HYAL4: variants seen among roughly 807,000 people sequenced by gnomAD.
HYAL4 encodes hyaluronidase-4.
Under a neutral mutation model 35.2 loss-of-function variants are expected in HYAL4, and 37 were observed. The ratio of observed to expected loss-of-function variants is 1.05; its 90% CI spans 0.81 to 1.38. HYAL4 has a LOEUF of 1.38. Among genes scored for constraint, HYAL4 ranks in the 40% most tolerant of loss-of-function variants. The pLI, the probability that HYAL4 is intolerant of heterozygous loss-of-function variation, is 0.00. For missense variants in HYAL4, 572 were observed against 572.4 expected, an observed-to-expected ratio of 1.00 and a Z score of 0.01; for synonymous variants, 198 against 203.2, an observed-to-expected ratio of 0.97 and a Z score of 0.22.
intron 2 of HYAL4, among the ~76,000 whole-genome samples, chr7:123,853,717 G>C (rs1408029823): frequency 6.6e-6 from 1 of 152,116 alleles, no homozygotes; most frequent in African/African-American, 2.4e-5. Flanking sequence ...GGCAGGTTTT[G>C]ATATCAGGAT....
chr7:123,794,911 G>A, the HYAL4 span, among the ~76,000 whole-genome samples: 3 of 152,216 alleles, frequency 2.0e-5, no homozygotes, highest in African/African-American at 7.2e-5. Flanking sequence ...CTGATAGCTT[G>A]CACTGTGTGC....
At chr7:123,876,725 C>A (rs1807034925) in intron 4 of HYAL4, 29 bp from the exon 5 acceptor site, 1 of 1,596,858 alleles carries the variant, frequency 6.3e-7, no homozygotes, top group Non-Finnish European at 8.6e-7. Flanking sequence ...GGAGAACACA[C>A]TAAAATTGAT....
chr7:123,799,384 T>C, the HYAL4 span, among the ~76,000 whole-genome samples: 3 of 151,436 alleles, frequency 2.0e-5, no homozygotes, highest in East Asian at 5.8e-4. Context: ...TTTTTGAAAA[T>C]ATAATACTAT....
chr7:123,809,196 C>G, the HYAL4 span, among the ~76,000 whole-genome samples: 1 of 152,072 alleles, frequency 6.6e-6, no homozygotes, highest in Non-Finnish European at 1.5e-5. Flanking sequence ...GATCATGCCA[C>G]TCCCTGACCC....
At chr7:123,830,102 T>C (rs1805858090) in intron 1 of HYAL4, among the ~76,000 whole-genome samples, 1 of 152,182 alleles carries the variant, frequency 6.6e-6, no homozygotes, top group East Asian at 1.9e-4. Context: ...CCCTAAATAT[T>C]ACAAGTGACC....
Position 123,868,447 on chromosome 7 carries a change from G to C in HYAL4, c.174G>C (p.Gln58His), listed in dbSNP as rs758121023. 1.0e-5 allele frequency: 16 copies of C among 1,607,676 alleles called. No individual in the cohort carries two copies. The highest frequency in any genetic ancestry group is 1.1e-5 in the South Asian group (1 of 89,140). ...FIAAWNAPTD[Q>H]CLIKYNLRLN... ...CTGCTTGGAATGCTCCAACAGATCA[G>C]TGTTTGATAAAATATAATTTAAGAC... Residue 58 changes from glutamine to histidine, a missense_variant, in exon 3 of 5, where the codon CAG becomes CAC. By Grantham distance (24) the Gln-to-His change is conservative. Transcript: ENST00000223026.
At chr7:123,779,867 A>T in the HYAL4 span, among the ~76,000 whole-genome samples, 2 of 152,120 alleles carry the variant, frequency 1.3e-5, no homozygotes, top group Non-Finnish European at 2.9e-5. Context: ...TTATCTATTT[A>T]TTTGGTCTTT....
Position 123,876,980 on chromosome 7 carries a change from C to T in HYAL4, c.1271C>T (p.Thr424Ile). ...ACTGTGAAAGGAAAAGCATCTGATA[C>T]AGACCTGGCAGTGATGGCAGATACA... ...EFTVKGKASD[T>I]DLAVMADTFS... Residue 424 changes from threonine (T) to isoleucine (I), a missense_variant, in exon 5 of 5, where the codon ACA becomes ATA. Transcript: ENST00000223026. The T allele has an allele frequency of 6.2e-7, 1 of 1,614,190 alleles. No homozygotes were observed. Among genetic ancestry groups the T allele is most frequent in the Non-Finnish European group, 8.5e-7 (1 of 1,180,024 alleles).
At chr7:123,851,023 TAAA>T (rs961982244) in intron 2 of HYAL4, among the ~76,000 whole-genome samples, 1 of 152,182 alleles carries the variant, frequency 6.6e-6, no homozygotes, top group African/African-American at 2.4e-5. Flanking sequence ...TTTAAAGAAT[TAAA>T]AAATATTTGT....
At chr7:123,787,521 G>A in the HYAL4 span, among the ~76,000 whole-genome samples, 1 of 152,054 alleles carries the variant, frequency 6.6e-6, no homozygotes, top group African/African-American at 2.4e-5. Context: ...GCAGTATTGA[G>A]TCACCAGCCA....
chr7:123,871,284 C>T (rs1045027280), intron 3 of HYAL4, among the ~76,000 whole-genome samples: 2 of 151,684 alleles, frequency 1.3e-5, no homozygotes, highest in African/African-American at 4.8e-5. Flanking sequence ...CTCTGCCTCC[C>T]GGGTTCAAGT....
At chr7:123,764,576 G>T in the HYAL4 span, among the ~76,000 whole-genome samples, 1 of 152,310 alleles carries the variant, frequency 6.6e-6, no homozygotes, top group South Asian at 2.1e-4. Context: ...AAAGCATATA[G>T]TAGGGAGAAG....
chr7:123,799,050 G>A, the HYAL4 span, among the ~76,000 whole-genome samples: 1 of 152,128 alleles, frequency 6.6e-6, no homozygotes, highest in African/African-American at 2.4e-5. Flanking sequence ...ACTGAAGGGG[G>A]CAATCATACA....
At chr7:123,810,405 A>C in the HYAL4 span, among the ~76,000 whole-genome samples, 1 of 152,252 alleles carries the variant, frequency 6.6e-6, no homozygotes, top group African/African-American at 2.4e-5. Context: ...ATATTTAAGA[A>C]ACTCCTTGTT....
chr7:123,781,041 C>T, the HYAL4 span, among the ~76,000 whole-genome samples: 60 of 48,024 alleles, frequency 1.2e-3, 2 homozygotes, highest in East Asian at 0.027. Context: ...GACCGTCCCC[C>T]AGCCCGACAC....
chr7:123,847,108 T>C (rs144730491), intron 1 of HYAL4, among the ~76,000 whole-genome samples: 82 of 152,282 alleles, frequency 5.4e-4, no homozygotes, highest in Non-Finnish European at 4.4e-5. Flanking sequence ...TGAGTCTCCA[T>C]ACATTGCTCT....
chr7:123,836,251 T>G (rs566433044), intron 1 of HYAL4, among the ~76,000 whole-genome samples: 3 of 152,308 alleles, frequency 2.0e-5, no homozygotes, highest in Admixed American at 2.0e-4. Context: ...TTTATAAATT[T>G]GGGAGCTCCA....
At chr7:123,809,384 T>TTTC in the HYAL4 span, among the ~76,000 whole-genome samples, 1,401 of 151,300 alleles carry the variant, frequency 9.3e-3, 12 homozygotes, top group Middle Eastern at 0.021. Context: ...CTTTCTTTTT[T>TTTC]TTCTTCTTCT....
intron 3 of HYAL4, 56 bp downstream of exon 3, chr7:123,869,283 T>C: frequency 4.3e-6 from 5 of 1,154,914 alleles, no homozygotes; most frequent in Non-Finnish European, 6.0e-6. Flanking sequence ...TAAAAGGACA[T>C]TTCTTTGTTA....
Sources: gnomAD v4.1 joint callset for allele counts (sites outside exome capture counted in the v4.1 genomes callset) on GRCh38, gnomAD v4.1.1 for gene constraint, MANE v1.5 for transcripts, NCBI Gene and HGNC (gene_info 2026-07-23, HGNC 2026-07-21) for gene names.